The following C5orf46 variants were observed in gnomAD, a reference collection of about 807,000 sequenced individuals.
C5orf46 encodes uncharacterized protein C5orf46.
A neutral mutation model predicts 8.9 loss-of-function variants in C5orf46; 9 were observed. The ratio of observed to expected loss-of-function variants is 1.01; its 90% CI spans 0.61 to 1.76. The LOEUF (loss-of-function observed/expected upper bound fraction) is 1.76, where lower values mean the gene tolerates loss of function less well. Ranked by LOEUF, C5orf46 falls within the 40% of genes most tolerant of loss-of-function variation. The pLI, the probability that C5orf46 is intolerant of heterozygous loss-of-function variation, is 0.00. For synonymous variants in C5orf46, 47 were observed against 41.4 expected, an observed-to-expected ratio of 1.14 and a Z score of -0.52; for missense variants, 98 against 107.8, an observed-to-expected ratio of 0.91 and a Z score of 0.40.
At chr5:147,887,660 CAAAT>C (rs1446908312) in intron 2 of C5orf46, 1 of 151,978 alleles carries the variant, frequency 6.6e-6, no homozygotes, top group Non-Finnish European at 1.5e-5. Flanking sequence ...AGAAACCACA[CAAAT>C]AAACATGGGT....
intron 1 of C5orf46, among the ~76,000 whole-genome samples, chr5:147,905,841 T>G (rs1023503427): frequency 7.9e-5 from 12 of 152,216 alleles, no homozygotes; most frequent in African/African-American, 2.9e-4. Context: ...CTGTACATGT[T>G]TACATCATTG....
At position 147,900,264 on chromosome 5, in the gene C5orf46, G is replaced by A. The variant is rs981472471; in HGVS notation, c.215+1365C>T. The stretch of plus-strand genomic sequence containing the variant: ...TAGGAAATGTAACAATTAAAAAAAA[G>A]CACCTGTGAGTTTTAACAATTTGTG... On this transcript the variant is annotated intron_variant, in intron 2 of 3. Transcript: ENST00000318315. Among the ~76,000 whole-genome samples, 26 of 152,198 alleles carry A rather than the reference G, an allele frequency of 1.7e-4. 1 individual carries two copies. Among genetic ancestry groups the A allele is most frequent in the African/African-American group, 4.3e-4 (18 of 41,532 alleles).
chr5:147,900,582 T>C (rs909122664), intron 2 of C5orf46, among the ~76,000 whole-genome samples: 1 of 152,230 alleles, frequency 6.6e-6, no homozygotes, highest in African/African-American at 2.4e-5. Flanking sequence ...GGCATGGCTT[T>C]TGAAAATTTC....
chr5:147,893,385 A>G (rs1757531732), intron 3 of C5orf46, among the ~76,000 whole-genome samples: 1 of 150,510 alleles, frequency 6.6e-6, no homozygotes, highest in Non-Finnish European at 1.5e-5. Context: ...CCCAGGTTCA[A>G]GCGATTCTTC....
intron 2 of C5orf46, among the ~76,000 whole-genome samples, chr5:147,899,048 T>C (rs984817111): frequency 6.6e-6 from 1 of 152,172 alleles, no homozygotes; most frequent in Admixed American, 6.5e-5. Context: ...AATCAAATAT[T>C]GTTTAGTCAT....
In C5orf46 at chr5:147,899,204, T is replaced by C. The variant is rs891709830; in HGVS notation, c.216-2163A>G. On this transcript the variant is annotated intron_variant, in intron 2 of 3. Transcript: ENST00000318315. ...CATTTTTATTTATGGCATTGTGCATTGGCTTAAGTAATTTTACCATAAGGA... is the reference window on the plus strand; with the variant it reads ...CATTTTTATTTATGGCATTGTGCATCGGCTTAAGTAATTTTACCATAAGGA... 1.3e-4 allele frequency among the ~76,000 whole-genome samples: 20 copies of C among 152,192 alleles called. 1 individual carries two copies. Among genetic ancestry groups the C allele is most frequent in the Admixed American group, 1.3e-3 (20 of 15,274 alleles).
chr5:147,889,017 G>A (rs760432416), downstream of C5orf46, among the ~76,000 whole-genome samples: 2 of 151,798 alleles, frequency 1.3e-5, no homozygotes, highest in African/African-American at 2.4e-5. Context: ...AATGCCCTTT[G>A]ATCTTGCAAT....
chr5:147,890,963 A>G (rs1243496107), downstream of C5orf46, among the ~76,000 whole-genome samples: 1 of 152,196 alleles, frequency 6.6e-6, no homozygotes, highest in Non-Finnish European at 1.5e-5. Context: ...GCATTTCTGT[A>G]AAAAGTCAAG....
chr5:147,892,559 A>G (rs1440501436), downstream of C5orf46: 3 of 152,156 alleles, frequency 2.0e-5, no homozygotes, highest in African/African-American at 7.2e-5. Context: ...CGAACTTGCT[A>G]CATTATCTGG....
At chr5:147,889,876 G>A (rs565831442), downstream of C5orf46, among the ~76,000 whole-genome samples, 11 of 152,236 alleles carry the variant, frequency 7.2e-5, no homozygotes, top group East Asian at 1.9e-3. Context: ...AAGCATGGAA[G>A]GTATCCTAAT....
downstream of C5orf46, among the ~76,000 whole-genome samples, chr5:147,891,176 T>C (rs1295434831): frequency 6.6e-6 from 1 of 152,170 alleles, no homozygotes; most frequent in African/African-American, 2.4e-5. Flanking sequence ...CCTCAGTTTC[T>C]TCACCTGTCA....
At chr5:147,886,346 T>C (rs894561777) in intron 2 of C5orf46, 5 of 152,096 alleles carry the variant, frequency 3.3e-5, no homozygotes, top group African/African-American at 1.2e-4. Flanking sequence ...GTAGAAAATA[T>C]GCTGGATTGC....
chr5:147,903,899 C>A (rs1317664649), intron 1 of C5orf46, among the ~76,000 whole-genome samples: 1 of 152,126 alleles, frequency 6.6e-6, no homozygotes, highest in Admixed American at 6.5e-5. Context: ...AGGCATATGC[C>A]ACCACAGCTG....
chr5:147,900,190 G>C (rs1409735917), intron 2 of C5orf46, among the ~76,000 whole-genome samples: 1 of 151,918 alleles, frequency 6.6e-6, no homozygotes, highest in Non-Finnish European at 1.5e-5. Context: ...TTTCCTTCTT[G>C]TTTACATTAA....
At chr5:147,894,077 A>T (rs1257450676) in intron 3 of C5orf46, among the ~76,000 whole-genome samples, 2 of 152,188 alleles carry the variant, frequency 1.3e-5, no homozygotes, top group East Asian at 3.9e-4. Flanking sequence ...TGACTGAGCA[A>T]GTCTAAGCAT....
intron 2 of C5orf46, among the ~76,000 whole-genome samples, chr5:147,899,530 T>G (rs73263251): frequency 0.013 from 2,004 of 152,312 alleles, 44 homozygotes; most frequent in African/African-American, 0.046. Context: ...GCAAGATATC[T>G]TTCCTTAATT....
downstream of C5orf46, among the ~76,000 whole-genome samples, chr5:147,889,474 A>C (rs576488072): frequency 3.3e-5 from 5 of 152,244 alleles, no homozygotes; most frequent in East Asian, 9.7e-4. Context: ...AACATATGCC[A>C]CTTTAATAAT....
At chr5:147,889,458 C>G (rs539688075), downstream of C5orf46, among the ~76,000 whole-genome samples, 2 of 152,200 alleles carry the variant, frequency 1.3e-5, no homozygotes, top group South Asian at 4.1e-4. Context: ...TTCCCTCTCA[C>G]ATGGTAACAT....
chr5:147,893,509 C>T (rs1046886749), intron 3 of C5orf46, among the ~76,000 whole-genome samples: 1 of 151,798 alleles, frequency 6.6e-6, no homozygotes, highest in Non-Finnish European at 1.5e-5. Context: ...TGGTCTCGAT[C>T]TCCTGATCTC....
Sources: allele counts gnomAD v4.1 joint callset (sites outside exome capture counted in the v4.1 genomes callset), GRCh38; gene constraint gnomAD v4.1.1; transcripts MANE v1.5; gene names NCBI Gene and HGNC (gene_info 2026-07-23, HGNC 2026-07-21).